Variants in CTNNA2 observed in about 807,000 individuals in gnomAD.
CTNNA2 encodes the protein catenin alpha 2.
Under a neutral mutation model 101.0 loss-of-function variants are expected in CTNNA2, and 42 were observed. The observed-to-expected ratio is 0.42, with a 90% CI of 0.32 to 0.54. The LOEUF (loss-of-function observed/expected upper bound fraction) is 0.54. Among genes scored for constraint, CTNNA2 ranks in the 20% least tolerant of loss-of-function variants. The pLI, the probability that CTNNA2 is intolerant of heterozygous loss-of-function variation, is 0.14. For synonymous variants in CTNNA2, 450 were observed against 456.4 expected (o/e 0.99, Z 0.18); for missense variants, 871 against 1,223.1 (o/e 0.71, Z 4.29).
chr2:79,352,008 C>A (rs1573110180), intron 3 of CTNNA2, among the ~76,000 whole-genome samples: 1 of 152,166 alleles, frequency 6.6e-6, no homozygotes, highest in East Asian at 1.9e-4. Flanking sequence ...AAATTGCTTC[C>A]CACAGTGGCT....
chr2:80,211,586 T>C (rs894010317), intron 7 of CTNNA2, among the ~76,000 whole-genome samples: 1 of 152,208 alleles, frequency 6.6e-6, no homozygotes, highest in African/African-American at 2.4e-5. Context: ...ATTTCTGTTT[T>C]GGTACCAGGA....
chr2:79,872,496 A>G (rs1682668089), intron 5 of CTNNA2, among the ~76,000 whole-genome samples: 1 of 152,158 alleles, frequency 6.6e-6, no homozygotes. Flanking sequence ...TGCCCAAATC[A>G]TTGCCCAGTA....
intron 7 of CTNNA2, among the ~76,000 whole-genome samples, chr2:80,386,107 A>G (rs911202028): frequency 6.6e-6 from 1 of 152,174 alleles, no homozygotes; most frequent in Non-Finnish European, 1.5e-5. Flanking sequence ...AGTCTCACCA[A>G]TATTACCATA....
intron 9 of CTNNA2, among the ~76,000 whole-genome samples, chr2:80,504,360 CTT>C (rs1688108667): frequency 6.6e-6 from 1 of 152,176 alleles, no homozygotes; most frequent in Non-Finnish European, 1.5e-5. Flanking sequence ...GCTTGACCAT[CTT>C]TTGAAAGGGC....
chr2:79,560,917 T>G, intron 1 of CTNNA2, among the ~76,000 whole-genome samples: 1 of 152,068 alleles, frequency 6.6e-6, no homozygotes, highest in East Asian at 1.9e-4. Context: ...TAATAATACT[T>G]TTACATTTTA....
chr2:79,435,615 C>T (rs528870235), intron 4 of CTNNA2, among the ~76,000 whole-genome samples: 5 of 152,298 alleles, frequency 3.3e-5, no homozygotes, highest in East Asian at 3.9e-4. Flanking sequence ...AAAGGCAGCA[C>T]GCCCTAAAGC....
intron 7 of CTNNA2, among the ~76,000 whole-genome samples, chr2:80,314,848 T>G (rs975295690): frequency 6.6e-6 from 1 of 152,228 alleles, no homozygotes; most frequent in Admixed American, 6.5e-5. Context: ...GTCATGTCCT[T>G]CAGAGGCAAA....
chr2:80,266,356 C>T (rs190725395), intron 7 of CTNNA2, among the ~76,000 whole-genome samples: 2 of 152,296 alleles, frequency 1.3e-5, no homozygotes, highest in East Asian at 3.9e-4. Flanking sequence ...GAAGTGTGGT[C>T]GAGAGTCCTA....
intron 7 of CTNNA2, among the ~76,000 whole-genome samples, chr2:80,085,976 T>A (rs2148812631): frequency 6.6e-6 from 1 of 152,190 alleles, no homozygotes; most frequent in South Asian, 2.1e-4. Context: ...AAAGTATAGC[T>A]CTGTATTTAG....
chr2:79,504,691 T>C (rs1403925926), intron 4 of CTNNA2, among the ~76,000 whole-genome samples: 3 of 152,164 alleles, frequency 2.0e-5, no homozygotes, highest in African/African-American at 7.2e-5. Flanking sequence ...TATTCCACTT[T>C]TGGGGACAAT....
intron 7 of CTNNA2, among the ~76,000 whole-genome samples, chr2:80,127,039 A>G (rs1442338431): frequency 6.6e-6 from 1 of 152,144 alleles, no homozygotes; most frequent in Non-Finnish European, 1.5e-5. Flanking sequence ...TTTCTCAGAC[A>G]AAAGACAGGA....
intron 5 of CTNNA2, chr2:79,505,236 A>C (rs1175179014): frequency 3.9e-5 from 6 of 152,152 alleles, no homozygotes; most frequent in African/African-American, 1.4e-4. Context: ...GATGTTTCCT[A>C]ACGTTGCTAA....
intron 7 of CTNNA2, among the ~76,000 whole-genome samples, chr2:79,922,634 G>A (rs1319422379): frequency 8.0e-6 from 1 of 125,678 alleles, no homozygotes; most frequent in African/African-American, 3.0e-5. Context: ...AACCATATCA[G>A]TTTTTTACTT....
At position 80,648,525 on chromosome 2, in the gene CTNNA2, T is replaced by G. The variant is rs915836681; in HGVS notation, c.*653T>G. 2.6e-5 allele frequency: 4 copies of G among 152,638 alleles called. No homozygotes were observed. Among genetic ancestry groups the G allele is most frequent in the Non-Finnish European group, 4.4e-5 (3 of 68,032 alleles). The allele number at this position is 152,638 out of a possible 1,614,324, so 9.5% of individuals were successfully genotyped here. On this transcript the variant is annotated 3_prime_UTR_variant, in exon 19 of 19. Transcript: ENST00000402739. Reference sequence around the variant, plus strand: ...CCCTTTAATGAAAACAATAAACATCTATTTGAGACAATTAAAATCCTTCTG... The same window carrying G: ...CCCTTTAATGAAAACAATAAACATCGATTTGAGACAATTAAAATCCTTCTG...
chr2:80,527,934 G>A (rs1223959261), intron 9 of CTNNA2, among the ~76,000 whole-genome samples: 1 of 152,194 alleles, frequency 6.6e-6, no homozygotes, highest in Non-Finnish European at 1.5e-5. Context: ...GAATTTATGA[G>A]TGTGGGTCCC....
rs1185610627 is a variant in CTNNA2, at chr2:80,139,894, C to CA, written c.1056+230104dup. 3.3e-5 allele frequency among the ~76,000 whole-genome samples: 5 copies of CA among 152,072 alleles called. No homozygotes were observed. The East Asian group carries it at 5.8e-4, about 18-fold the overall frequency. On this transcript the variant is annotated intron_variant, in intron 7 of 18. Coordinates refer to ENST00000402739, the MANE Select transcript of CTNNA2 (RefSeq NM_001282597.3). ...TGCAAACAAATAGCAGAGCCCAAAG[C>CA]AAAAAAAGCCTGTCCCGGTGAAGTC...
At chr2:80,317,163 G>A (rs889251211) in intron 7 of CTNNA2, among the ~76,000 whole-genome samples, 22 of 152,272 alleles carry the variant, frequency 1.4e-4, no homozygotes, top group Admixed American at 8.5e-4. Flanking sequence ...TGAGTGAGAC[G>A]GGGATGAAGA....
At chr2:80,284,258 C>T (rs1300603170) in intron 7 of CTNNA2, among the ~76,000 whole-genome samples, 3 of 152,090 alleles carry the variant, frequency 2.0e-5, no homozygotes, top group Non-Finnish European at 4.4e-5. Context: ...AAAATACCAC[C>T]AGATAACACT....
intron 2 of CTNNA2, among the ~76,000 whole-genome samples, chr2:79,737,290 GGTGCGCCAAGATT>G (rs1453559237): frequency 1.3e-5 from 2 of 151,624 alleles, no homozygotes; most frequent in Non-Finnish European, 2.9e-5. Context: ...TAGAGGTTGC[GGTGCGCCAAGATT>G]GTGCCACCAC....
Sources: allele counts gnomAD v4.1 joint callset (sites outside exome capture counted in the v4.1 genomes callset), GRCh38; gene constraint gnomAD v4.1.1; transcripts MANE v1.5; gene names NCBI Gene and HGNC (gene_info 2026-07-23, HGNC 2026-07-21).